PRKG1: variants seen among roughly 807,000 people sequenced by gnomAD.
PRKG1 encodes cGMP-dependent protein kinase 1.
Under a neutral mutation model 88.1 loss-of-function variants are expected in PRKG1, and 35 were observed. That is an observed-to-expected ratio of 0.40 (90% CI 0.30 to 0.53). The LOEUF is 0.53. Ranked by LOEUF, PRKG1 falls within the 20% of genes least tolerant of loss-of-function variation. The probability of loss-of-function intolerance (pLI) is 0.59; values close to 1 mark genes in which losing one functional copy is unlikely to be tolerated. For missense variants in PRKG1, 540 were observed against 839.8 expected (o/e 0.64, Z 4.41); for synonymous variants, 303 against 292.5 (o/e 1.04, Z -0.37).
chr10:52,179,861 G>A (rs998129700), intron 9 of PRKG1, among the ~76,000 whole-genome samples: 4 of 152,086 alleles, frequency 2.6e-5, no homozygotes, highest in Non-Finnish European at 5.9e-5. Context: ...CTAATTTTTT[G>A]TATTTTTAGT....
At chr10:51,922,276 C>G (rs1164269890) in intron 5 of PRKG1, among the ~76,000 whole-genome samples, 1 of 132,476 alleles carries the variant, frequency 7.5e-6, no homozygotes, top group Non-Finnish European at 1.6e-5. Context: ...ATTTTTGTAT[C>G]TTCTCTCTCT....
chr10:51,557,388 C>A (rs1024184833), intron 3 of PRKG1, among the ~76,000 whole-genome samples: 1 of 151,738 alleles, frequency 6.6e-6, no homozygotes, highest in Non-Finnish European at 1.5e-5. Flanking sequence ...TTAGTACTGC[C>A]TTTGGGTAGT....
rs112259895 is a variant in PRKG1 at position 51,614,701 on chromosome 10, C to T, written c.592+146865C>T. ...TTTCTCTTTCTCATCTGTGTGTTTG[C>T]TTTACCAGTGCATTTCATACTTTTG... On this transcript the variant is annotated intron_variant, in intron 3 of 17. Transcript: ENST00000373980. Among the ~76,000 whole-genome samples the T allele has an allele frequency of 4.3e-3, 650 of 151,958 alleles. 3 individuals are homozygous for T. The highest frequency in any genetic ancestry group is 0.015 in the African/African-American group (626 of 41,490).
intron 5 of PRKG1, among the ~76,000 whole-genome samples, chr10:52,001,935 GC>G (rs1844610657): frequency 6.6e-6 from 1 of 151,924 alleles, no homozygotes; most frequent in South Asian, 2.1e-4. Flanking sequence ...TGAAGTTGGG[GC>G]TGATTCTCTT....
At chr10:51,419,937 T>C (rs1033607526) in intron 2 of PRKG1, among the ~76,000 whole-genome samples, 1 of 152,110 alleles carries the variant, frequency 6.6e-6, no homozygotes, top group African/African-American at 2.4e-5. Context: ...TGAACTAGTT[T>C]AATGCTTGTT....
At chr10:51,918,589 G>A (rs1194774194) in intron 5 of PRKG1, among the ~76,000 whole-genome samples, 2 of 152,122 alleles carry the variant, frequency 1.3e-5, no homozygotes, top group Admixed American at 6.5e-5. Flanking sequence ...TGTTCGAAAT[G>A]GTTGCTCTGT....
chr10:52,254,501 T>C (rs143823498), intron 10 of PRKG1, among the ~76,000 whole-genome samples: 491 of 152,066 alleles, frequency 3.2e-3, no homozygotes, highest in Middle Eastern at 0.017. Context: ...TTTTAAAAAA[T>C]TTCCCAGAAA....
chr10:51,153,264 G>A lies in PRKG1; in HGVS notation c.412G>A (p.Glu138Lys), dbSNP rs776595546. The A allele has an allele frequency of 6.2e-7, 1 of 1,612,550 alleles. No homozygotes were observed. Residue 138 changes from glutamate (E) to lysine (K), a missense_variant, in exon 2 of 18, where the codon GAG becomes AAG. Transcript: ENST00000373980. ...QEIVDCMYPV[E>K]YGKDSCIIKE... ...GATTGTGGATTGTATGTACCCGGTG[G>A]AGTATGGCAAGGACAGTTGCATCAT...
At chr10:52,128,314 T>G in intron 7 of PRKG1, 1 of 985,434 alleles carries the variant, frequency 1.0e-6, no homozygotes, top group Non-Finnish European at 1.2e-6. Flanking sequence ...TGACAGCTAC[T>G]TTGTATCAAC....
chr10:52,020,400 C>A (rs1845152618), intron 5 of PRKG1, among the ~76,000 whole-genome samples: 1 of 152,122 alleles, frequency 6.6e-6, no homozygotes, highest in Non-Finnish European at 1.5e-5. Context: ...TTACTGCCAG[C>A]AACTCCATAA....
At chr10:52,048,656 C>T (rs1013310674) in intron 5 of PRKG1, among the ~76,000 whole-genome samples, 2 of 151,984 alleles carry the variant, frequency 1.3e-5, no homozygotes, top group Admixed American at 6.6e-5. Context: ...CAAAGGCACA[C>T]AATATTAACT....
chr10:51,943,780 A>G (rs1842962739), intron 5 of PRKG1, among the ~76,000 whole-genome samples: 2 of 152,070 alleles, frequency 1.3e-5, no homozygotes, highest in Admixed American at 6.5e-5. Context: ...ATATTGAACC[A>G]GCCTTGCTTC....
At chr10:51,199,947 T>C (rs1837869837) in intron 2 of PRKG1, among the ~76,000 whole-genome samples, 2 of 152,188 alleles carry the variant, frequency 1.3e-5, no homozygotes. Context: ...AGAGAGCTGT[T>C]TCTTCTTGGA....
intron 7 of PRKG1, among the ~76,000 whole-genome samples, chr10:52,084,258 A>G (rs886561228): frequency 2.6e-5 from 4 of 152,024 alleles, no homozygotes; most frequent in African/African-American, 9.7e-5. Flanking sequence ...TACACAACAC[A>G]ATGAAACAAA....
At chr10:51,226,775 C>T (rs1320815028) in intron 2 of PRKG1, among the ~76,000 whole-genome samples, 1 of 152,068 alleles carries the variant, frequency 6.6e-6, no homozygotes, top group African/African-American at 2.4e-5. Context: ...AATGAATTAA[C>T]TCTGAAATGA....
At chr10:51,067,808 A>G (rs1352586347) in intron 1 of PRKG1, among the ~76,000 whole-genome samples, 1 of 152,198 alleles carries the variant, frequency 6.6e-6, no homozygotes. Flanking sequence ...GATACTTTAG[A>G]TATTGCTGCT....
chr10:52,106,026 C>G (rs1043524692), intron 7 of PRKG1, among the ~76,000 whole-genome samples: 2 of 152,152 alleles, frequency 1.3e-5, no homozygotes, highest in African/African-American at 2.4e-5. Flanking sequence ...TATGCCTTTG[C>G]ATCCTCATAG....
intron 1 of PRKG1, among the ~76,000 whole-genome samples, chr10:51,014,313 A>G (rs1322882599): frequency 2.3e-5 from 3 of 129,138 alleles, no homozygotes; most frequent in Non-Finnish European, 4.9e-5. Flanking sequence ...GCATGCAGGC[A>G]TTCTCTTTTT....
chr10:51,128,775 C>G (rs750323193), intron 1 of PRKG1, among the ~76,000 whole-genome samples: 3 of 152,018 alleles, frequency 2.0e-5, no homozygotes, highest in African/African-American at 4.8e-5. Flanking sequence ...GATTTTATTG[C>G]TTATGTAGTA....
Sources: allele counts gnomAD v4.1 joint callset (sites outside exome capture counted in the v4.1 genomes callset), GRCh38; gene constraint gnomAD v4.1.1; transcripts MANE v1.5; gene names NCBI Gene and HGNC (gene_info 2026-07-23, HGNC 2026-07-21).